RASAL2: variants seen among roughly 807,000 people sequenced by gnomAD.
RASAL2 encodes RAS protein activator like 2, also known as ras GTPase-activating protein nGAP.
In RASAL2, 58 loss-of-function variants were observed where a neutral mutation model predicts 128.9. The observed-to-expected ratio is 0.45, with a 90% CI of 0.36 to 0.56. The LOEUF (loss-of-function observed/expected upper bound fraction) is 0.56. RASAL2 is among the 20% of genes least tolerant of loss of function. The pLI is 0.00. For missense variants in RASAL2, 1,360 were observed against 1,601.6 expected (o/e 0.85, Z 2.57); for synonymous variants, 561 against 580.8 (o/e 0.97, Z 0.49).
intron 1 of RASAL2, among the ~76,000 whole-genome samples, chr1:178,241,447 G>A (rs1474053240): frequency 6.6e-6 from 1 of 152,120 alleles, no homozygotes; most frequent in African/African-American, 2.4e-5. Flanking sequence ...TACTTTAGGG[G>A]TACATATTAA....
chr1:178,366,579 T>TCCCCCCCCCC (rs1349184536), intron 3 of RASAL2, among the ~76,000 whole-genome samples: 1 of 31,114 alleles, frequency 3.2e-5, no homozygotes, highest in Non-Finnish European at 5.4e-5. Context: ...ACTTGGTACC[T>TCCCCCCCCCC]CCCACCCCCC....
intron 1 of RASAL2, among the ~76,000 whole-genome samples, chr1:178,121,685 C>T (rs570598667): frequency 1.9e-4 from 29 of 151,934 alleles, no homozygotes; most frequent in Non-Finnish European, 1.6e-4. Flanking sequence ...GGGGTTTTGC[C>T]GTGTTAGCCA....
chr1:178,439,786 T>G (rs1247909648), intron 6 of RASAL2, among the ~76,000 whole-genome samples: 1 of 152,152 alleles, frequency 6.6e-6, no homozygotes, highest in East Asian at 1.9e-4. Context: ...TTGCATTCCT[T>G]TTGGCTTTGC....
intron 1 of RASAL2, among the ~76,000 whole-genome samples, chr1:178,249,884 C>T (rs61639961): frequency 0.013 from 2,046 of 152,288 alleles, 48 homozygotes; most frequent in African/African-American, 0.046. Context: ...CTGGTTATCA[C>T]CAGCGGAAGC....
At chr1:178,214,764 T>G (rs771846920) in intron 1 of RASAL2, among the ~76,000 whole-genome samples, 2 of 152,064 alleles carry the variant, frequency 1.3e-5, no homozygotes, top group Admixed American at 6.6e-5. Context: ...TTCACTGTGT[T>G]AGCCACGATG....
In RASAL2 at chr1:178,460,805, G is replaced by GTT. The variant is rs1678141465; in HGVS notation, c.3252+2266_3252+2267dup. ...TCATTGTTTTGAACTTACATTGTTA[G>GTT]TTTTTTATTTTTATTTTTATTTTTT... On this transcript the variant is annotated intron_variant, in intron 14 of 17. Coordinates refer to ENST00000367649, the MANE Select transcript of RASAL2 (RefSeq NM_170692.4). Among the ~76,000 whole-genome samples, 4 of 151,850 alleles carry GTT rather than the reference G, an allele frequency of 2.6e-5. No individual in the cohort carries two copies. The South Asian group carries it at 8.3e-4, about 32-fold the overall frequency.
chr1:178,127,175 A>G (rs2102291280), intron 1 of RASAL2, among the ~76,000 whole-genome samples: 1 of 152,280 alleles, frequency 6.6e-6, no homozygotes, highest in Non-Finnish European at 1.5e-5. Context: ...ATAGAGACTT[A>G]TCAAAGGTTA....
intron 16 of RASAL2, 35 bp from the exon 17 acceptor site, chr1:178,467,299 G>A (rs781300824): frequency 6.4e-7 from 1 of 1,561,136 alleles, no homozygotes; most frequent in Non-Finnish European, 8.8e-7. Flanking sequence ...CCCTTTCTTT[G>A]AAGATGTTGA....
intron 1 of RASAL2, among the ~76,000 whole-genome samples, chr1:178,123,517 G>A (rs934049971): frequency 6.6e-6 from 1 of 152,058 alleles, no homozygotes; most frequent in African/African-American, 2.4e-5. Flanking sequence ...TTCCTGTTGC[G>A]CTAAGTAGAT....
chr1:178,294,776 G>A (rs1167502465), intron 2 of RASAL2, among the ~76,000 whole-genome samples: 2 of 152,214 alleles, frequency 1.3e-5, no homozygotes, highest in Non-Finnish European at 2.9e-5. Flanking sequence ...AGGCCTGCCA[G>A]AGTACAATAG....
rs373359247 is a variant in RASAL2 at position 178,111,822 on chromosome 1, C to T, written c.202+17128C>T. Reference sequence around the variant, plus strand: ...TCAGCTCACTGCAACCTCCGCCTCCCGGGTTCAAGCGATTCTCCCACCTCA... The same window carrying T: ...TCAGCTCACTGCAACCTCCGCCTCCTGGGTTCAAGCGATTCTCCCACCTCA... On this transcript the variant is annotated intron_variant, in intron 1 of 17. Transcript: ENST00000367649. Among the ~76,000 whole-genome samples, 511 of 152,208 alleles carry T rather than the reference C, an allele frequency of 3.4e-3. 3 individuals carry two copies. The highest frequency in any genetic ancestry group is 0.011 in the African/African-American group (471 of 41,532).
At chr1:178,375,730 G>T (rs1671954723) in intron 3 of RASAL2, among the ~76,000 whole-genome samples, 1 of 152,118 alleles carries the variant, frequency 6.6e-6, no homozygotes, top group Non-Finnish European at 1.5e-5. Context: ...GAGGAATGGG[G>T]AACAAAATGA....
At chr1:178,356,185 A>T (rs888599031) in intron 3 of RASAL2, among the ~76,000 whole-genome samples, 1 of 151,534 alleles carries the variant, frequency 6.6e-6, no homozygotes, top group Non-Finnish European at 1.5e-5. Flanking sequence ...AAAAAAAAAA[A>T]AAAACCCACA....
intron 1 of RASAL2, among the ~76,000 whole-genome samples, chr1:178,247,156 T>G (rs909274168): frequency 6.6e-6 from 1 of 152,210 alleles, no homozygotes; most frequent in Non-Finnish European, 1.5e-5. Flanking sequence ...AGCTCCTCTT[T>G]GTACCTCTGG....
At chr1:178,424,586 T>C (rs1046926249) in intron 5 of RASAL2, among the ~76,000 whole-genome samples, 2 of 152,144 alleles carry the variant, frequency 1.3e-5, no homozygotes, top group East Asian at 3.9e-4. Flanking sequence ...CTCAGCCTCC[T>C]GAGTAGCTGG....
chr1:178,292,269 G>A (rs937881557), intron 2 of RASAL2, among the ~76,000 whole-genome samples: 3 of 152,284 alleles, frequency 2.0e-5, no homozygotes, highest in Admixed American at 2.0e-4. Flanking sequence ...GCCAGGCACT[G>A]CTGGAATGTG....
At chr1:178,297,607 CAAAAAAAA>C (rs34825546) in intron 2 of RASAL2, among the ~76,000 whole-genome samples, 1 of 57,194 alleles carries the variant, frequency 1.7e-5, no homozygotes, top group East Asian at 5.9e-4. Context: ...GACTCCATCT[CAAAAAAAA>C]AAAAAAAAAA....
At chr1:178,338,553 A>G (rs1271992767) in intron 3 of RASAL2, among the ~76,000 whole-genome samples, 4 of 152,248 alleles carry the variant, frequency 2.6e-5, no homozygotes, top group Non-Finnish European at 5.9e-5. Flanking sequence ...TTCAAAATTC[A>G]GCAAGTATAC....
intron 3 of RASAL2, among the ~76,000 whole-genome samples, chr1:178,331,302 G>C (rs928101560): frequency 3.9e-5 from 6 of 152,216 alleles, no homozygotes; most frequent in Admixed American, 2.6e-4. Flanking sequence ...CTCCTGAGTA[G>C]CTGGGAGCAC....
Sources: gnomAD v4.1 joint callset for allele counts (sites outside exome capture counted in the v4.1 genomes callset) on GRCh38, gnomAD v4.1.1 for gene constraint, MANE v1.5 for transcripts, NCBI Gene and HGNC (gene_info 2026-07-23, HGNC 2026-07-21) for gene names.